The following NFAM1 variants were observed in gnomAD, a reference collection of about 807,000 sequenced individuals.
The protein encoded by NFAM1 is NFAT activation molecule 1.
Under a neutral mutation model 29.0 loss-of-function variants are expected in NFAM1, and 17 were observed. That is an observed-to-expected ratio of 0.59 (90% CI 0.40 to 0.88). The LOEUF is 0.88. NFAM1 is among the 40% of genes least tolerant of loss of function. The pLI is 0.00. For synonymous variants in NFAM1, 175 were observed against 147.2 expected (o/e 1.19, Z -1.36); for missense variants, 324 against 344.6 (o/e 0.94, Z 0.47).
chr22:42,387,049 A>G lies in NFAM1; in HGVS notation c.693T>C (p.Tyr231=). ...TGCCATCCTCATTCTCGATGCAGGC[A>G]TAGACCTCGGTCTCGCGGCGCTGCA... ...TALQRRETEV[Y]ACIENEDGSS... The change falls in exon 5 of 6, where the codon TAT becomes TAC. Residue 231 remains tyrosine (Y), a synonymous_variant. Transcript: ENST00000329021. 5 of 1,588,720 alleles carry G rather than the reference A, an allele frequency of 3.1e-6. No individual in the cohort carries two copies. The highest frequency in any genetic ancestry group is 3.4e-6 in the Non-Finnish European group (4 of 1,168,142).
chr22:42,401,651 G>A (rs1337957941), intron 3 of NFAM1, among the ~76,000 whole-genome samples: 3 of 152,118 alleles, frequency 2.0e-5, no homozygotes, highest in African/African-American at 7.2e-5. Context: ...CTCTGTCCTC[G>A]GGGCCAACAT....
At position 42,388,027 on chromosome 22, in the gene NFAM1, G is replaced by C. The variant is rs143478517; in HGVS notation, c.664-949C>G. Among the ~76,000 whole-genome samples the C allele has an allele frequency of 1.3e-5, 2 of 152,232 alleles. No homozygotes were observed. The highest frequency in any genetic ancestry group is 4.8e-5 in the African/African-American group (2 of 41,466). On this transcript the variant is annotated intron_variant, in intron 4 of 5. Transcript: ENST00000329021. The surrounding 1 kb of genome is among the most constrained non-coding windows in gnomAD (Gnocchi z 4.1). ...TCTCTGGGTTTCTGATTCTACAGCT[G>C]TGCTTGGCACAAAGGGAGCAGCACC... is the stretch of plus-strand genomic sequence containing the variant.
chr22:42,396,478 T>C (rs1412670412), intron 4 of NFAM1, among the ~76,000 whole-genome samples: 2 of 103,588 alleles, frequency 1.9e-5, no homozygotes, highest in Non-Finnish European at 3.7e-5. Flanking sequence ...GGTTATTTTC[T>C]TCTTTTATAT....
intron 5 of NFAM1, 48 bp downstream of exon 5, chr22:42,386,941 G>T: frequency 9.8e-7 from 1 of 1,021,330 alleles, no homozygotes; most frequent in Non-Finnish European, 1.4e-6. Context: ...GTGATGGGAG[G>T]GTCAGATGGA....
chr22:42,431,789 C>T lies in NFAM1; in HGVS notation c.121+448G>A, dbSNP rs1262535906. Among the ~76,000 whole-genome samples the T allele has an allele frequency of 2.0e-5, 3 of 148,934 alleles. No individual in the cohort carries two copies. The East Asian group carries it at 5.8e-4, about 29-fold the overall frequency. On this transcript the variant is annotated intron_variant, in intron 1 of 5. Coordinates refer to ENST00000329021, the MANE Select transcript of NFAM1 (RefSeq NM_145912.8). ...TGGCCCTGGTATCCCCCCCTCCCCC[C>T]TCTCCCCGCTCTCCCTGGCCAATGC...
At chr22:42,429,800 G>C (rs1569237779) in intron 1 of NFAM1, among the ~76,000 whole-genome samples, 1 of 152,206 alleles carries the variant, frequency 6.6e-6, no homozygotes, top group Non-Finnish European at 1.5e-5. Flanking sequence ...GGCAGAGCTG[G>C]TTGCACCAGG....
upstream of NFAM1, among the ~76,000 whole-genome samples, chr22:42,435,589 C>T (rs1439641858): frequency 1.3e-5 from 2 of 151,458 alleles, no homozygotes; most frequent in Admixed American, 1.3e-4. Context: ...TCAGGTGATC[C>T]GCCCACCTCA....
chr22:42,422,027 G>C (rs1337985004), intron 1 of NFAM1, among the ~76,000 whole-genome samples: 1 of 152,206 alleles, frequency 6.6e-6, no homozygotes, highest in Non-Finnish European at 1.5e-5. Context: ...GACAACCTTT[G>C]AACAGAGACT....
intron 1 of NFAM1, among the ~76,000 whole-genome samples, chr22:42,413,872 G>A (rs911441689): frequency 1.3e-5 from 2 of 152,142 alleles, no homozygotes; most frequent in Non-Finnish European, 2.9e-5. Flanking sequence ...TGGCCAACAT[G>A]GCAAAACCCC....
chr22:42,397,263 T>C (rs961019871), intron 4 of NFAM1, among the ~76,000 whole-genome samples: 2 of 152,144 alleles, frequency 1.3e-5, no homozygotes, highest in African/African-American at 4.8e-5. Context: ...TTCCACTTCC[T>C]GGAGATGCAC....
At chr22:42,426,749 A>C (rs368148774) in intron 1 of NFAM1, among the ~76,000 whole-genome samples, 1 of 152,242 alleles carries the variant, frequency 6.6e-6, no homozygotes, top group Non-Finnish European at 1.5e-5. Context: ...AGGTGGGGCC[A>C]GTGGCTGGGC....
intron 5 of NFAM1, among the ~76,000 whole-genome samples, chr22:42,386,396 A>AC (rs1555968132): frequency 0.23 from 28,332 of 125,012 alleles, 3,014 homozygotes; most frequent in Admixed American, 0.36. Context: ...AAAACAAACA[A>AC]ACACACACAC....
intron 3 of NFAM1, among the ~76,000 whole-genome samples, chr22:42,405,775 G>A (rs1929877191): frequency 6.6e-6 from 1 of 152,168 alleles, no homozygotes; most frequent in African/African-American, 2.4e-5. Context: ...GGTACCCAAG[G>A]CCTGCGACTC....
chr22:42,420,391 G>C (rs997390685), intron 1 of NFAM1, among the ~76,000 whole-genome samples: 10 of 152,106 alleles, frequency 6.6e-5, no homozygotes, highest in Admixed American at 6.6e-4. Context: ...AGGATCACCT[G>C]AGCCTGGGAG....
chr22:42,424,188 G>A (rs1235719569), intron 1 of NFAM1, among the ~76,000 whole-genome samples: 3 of 152,156 alleles, frequency 2.0e-5, no homozygotes, highest in Admixed American at 1.3e-4. Flanking sequence ...GGCCAAGGCG[G>A]GCGGATCACA....
chr22:42,401,613 CTCCCTGCCCA>C (rs899606313), intron 3 of NFAM1, among the ~76,000 whole-genome samples: 1 of 152,132 alleles, frequency 6.6e-6, no homozygotes. Flanking sequence ...GGCTGCTTTG[CTCCCTGCCCA>C]TCCCTGCCCA....
intron 4 of NFAM1, among the ~76,000 whole-genome samples, chr22:42,393,399 A>G (rs997943482): frequency 6.6e-6 from 1 of 151,392 alleles, no homozygotes; most frequent in Non-Finnish European, 1.5e-5. Context: ...TTATTTATTT[A>G]TTTATTTATT....
intron 1 of NFAM1, among the ~76,000 whole-genome samples, chr22:42,427,262 G>C (rs1930653921): frequency 6.6e-6 from 1 of 152,158 alleles, no homozygotes. Flanking sequence ...CATTTCCCCA[G>C]GATGCCTGTG....
chr22:42,433,461 G>A (rs1930868844), upstream of NFAM1, among the ~76,000 whole-genome samples: 1 of 152,144 alleles, frequency 6.6e-6, no homozygotes, highest in Admixed American at 6.5e-5. Flanking sequence ...TCTGTGGGGC[G>A]GGCATTTGAA....
Sources: allele counts gnomAD v4.1 joint callset (sites outside exome capture counted in the v4.1 genomes callset), GRCh38; gene constraint gnomAD v4.1.1; non-coding constraint Gnocchi (gnomAD v3.1); transcripts MANE v1.5; gene names NCBI Gene and HGNC (gene_info 2026-07-23, HGNC 2026-07-21).